The following PBX1 variants were observed in gnomAD, a reference collection of about 807,000 sequenced individuals.
PBX1 encodes the protein pre-B-cell leukemia transcription factor 1.
Under a neutral mutation model 53.4 loss-of-function variants are expected in PBX1, and 6 were observed. That is an observed-to-expected ratio of 0.11 (90% confidence interval 0.06 to 0.22). The LOEUF (loss-of-function observed/expected upper bound fraction) is 0.22. Among genes scored for constraint, PBX1 ranks in the 10% least tolerant of loss-of-function variants. The pLI is 1.00. For synonymous variants in PBX1, 204 were observed against 212.3 expected (o/e 0.96, Z 0.34); for missense variants, 251 against 551.4 (o/e 0.46, Z 5.46).
At position 164,842,477 on chromosome 1, in the gene PBX1, A is replaced by G. The variant is rs1671350115; in HGVS notation, c.1201-4107A>G. 2.0e-5 allele frequency among the ~76,000 whole-genome samples: 3 copies of G among 152,152 alleles called. No homozygotes were observed. The South Asian group carries it at 6.2e-4, about 32-fold the overall frequency. ...TTCCCGAAACACTTTGTTTCCAAAT[A>G]TCTTTGTGTTTTGGAAATCCAGATT... is the stretch of plus-strand genomic sequence containing the variant. On this transcript the variant is annotated intron_variant, in intron 8 of 8. Transcript: ENST00000420696.
intron 2 of PBX1, among the ~76,000 whole-genome samples, chr1:164,865,045 T>C (rs1206809995): frequency 1.3e-5 from 2 of 152,220 alleles, no homozygotes; most frequent in African/African-American, 2.4e-5. Context: ...ACAGTCACCA[T>C]GGTTATAATA....
chr1:164,638,146 A>G (rs976679781), intron 2 of PBX1, among the ~76,000 whole-genome samples: 2 of 152,212 alleles, frequency 1.3e-5, no homozygotes, highest in African/African-American at 4.8e-5. Context: ...GTGATGGGAA[A>G]GGCTGGTTGC....
At chr1:164,870,268 T>C (rs1287220948) in intron 2 of PBX1, among the ~76,000 whole-genome samples, 1 of 22,324 alleles carries the variant, frequency 4.5e-5, no homozygotes, top group East Asian at 1.3e-3. Context: ...CTTCCTTCCT[T>C]CTTTCTTTCT....
chr1:164,852,676 C>T (rs1671884367), downstream of PBX1, among the ~76,000 whole-genome samples: 1 of 152,212 alleles, frequency 6.6e-6, no homozygotes, highest in Non-Finnish European at 1.5e-5. Flanking sequence ...AGGTAATAAT[C>T]ACTTATCCCA....
intron 4 of PBX1, among the ~76,000 whole-genome samples, chr1:164,805,369 G>A (rs201533890): frequency 6.6e-6 from 1 of 152,086 alleles, no homozygotes; most frequent in East Asian, 1.9e-4. Context: ...GATTTCAAAG[G>A]CCCTAGATTA....
intron 2 of PBX1, among the ~76,000 whole-genome samples, chr1:164,608,212 T>C (rs1443115947): frequency 2.6e-5 from 4 of 152,346 alleles, no homozygotes; most frequent in African/African-American, 9.6e-5. Context: ...ACTTACTGAG[T>C]GCCCAGCATG....
intron 5 of PBX1, among the ~76,000 whole-genome samples, chr1:164,811,520 G>A (rs1669610402): frequency 6.6e-6 from 1 of 152,162 alleles, no homozygotes; most frequent in Non-Finnish European, 1.5e-5. Flanking sequence ...TTAAAGTTAT[G>A]TAACTTCTAA....
chr1:164,783,861 G>T (rs1417879570), intron 2 of PBX1, among the ~76,000 whole-genome samples: 4 of 152,286 alleles, frequency 2.6e-5, no homozygotes, highest in Middle Eastern at 3.4e-3. Flanking sequence ...CAGGCAATGT[G>T]CTAGGTGCCT....
intron 2 of PBX1, among the ~76,000 whole-genome samples, chr1:164,733,915 T>C (rs1257806700): frequency 6.6e-6 from 1 of 152,240 alleles, no homozygotes; most frequent in African/African-American, 2.4e-5. Context: ...CCTTTTGTGT[T>C]TGCTGAATCG....
chr1:164,847,812 G>T lies in PBX1; in HGVS notation c.*1136G>T. On this transcript the variant is annotated 3_prime_UTR_variant, in exon 9 of 9. Coordinates refer to ENST00000420696, the MANE Select transcript of PBX1 (RefSeq NM_002585.4). Reference sequence around the variant, plus strand: ...TGTCTGGGGCTTCCAGGACCTGCAGGCCCACTAGCGTGCACTTACCAGAAT... The same window carrying T: ...TGTCTGGGGCTTCCAGGACCTGCAGTCCCACTAGCGTGCACTTACCAGAAT... The T allele has an allele frequency of 9.5e-7, 1 of 1,054,426 alleles. No homozygotes were observed. The highest frequency in any genetic ancestry group is 1.1e-6 in the Non-Finnish European group (1 of 872,550). The allele number at this position is 1,054,426 out of a possible 1,614,324, so 65.3% of individuals were successfully genotyped here.
At chr1:164,834,722 T>C (rs968025823) in intron 8 of PBX1, among the ~76,000 whole-genome samples, 1 of 152,256 alleles carries the variant, frequency 6.6e-6, no homozygotes, top group Non-Finnish European at 1.5e-5. Context: ...AAAAGAGTTA[T>C]GAAATCCCTT....
intron 6 of PBX1, chr1:164,814,523 C>G (rs914471338): frequency 6.6e-6 from 1 of 152,088 alleles, no homozygotes; most frequent in Non-Finnish European, 1.5e-5. Flanking sequence ...GGGCGGATCA[C>G]GAGGTCAGGA....
At chr1:164,687,560 C>CT (rs1292223275) in intron 2 of PBX1, among the ~76,000 whole-genome samples, 16 of 26,868 alleles carry the variant, frequency 6.0e-4, no homozygotes, top group East Asian at 1.5e-3. Context: ...GAGACCTTGT[C>CT]TAAAAAAAAA....
intron 2 of PBX1, among the ~76,000 whole-genome samples, chr1:164,635,806 T>G (rs997269812): frequency 6.6e-6 from 1 of 152,208 alleles, no homozygotes; most frequent in African/African-American, 2.4e-5. Flanking sequence ...TTGGGAGGAT[T>G]TCTGCATTAA....
intron 2 of PBX1, among the ~76,000 whole-genome samples, chr1:164,764,423 C>T (rs1251732463): frequency 6.6e-6 from 1 of 152,102 alleles, no homozygotes; most frequent in Non-Finnish European, 1.5e-5. Flanking sequence ...TTCCTTAGGT[C>T]ACAAATCCAT....
chr1:164,779,795 C>T lies in PBX1; in HGVS notation c.266-12699C>T, dbSNP rs150780952. Among the ~76,000 whole-genome samples the T allele has an allele frequency of 5.3e-4, 81 of 152,220 alleles. 1 individual carries two copies. In the South Asian group the frequency reaches 0.017, roughly 31 times the overall value. ...TGAAGTGCCATCAACAAGGTGCCTACGAAGGGCCATGCTAATGTCTGGCCA... is the reference window on the plus strand; with the variant it reads ...TGAAGTGCCATCAACAAGGTGCCTATGAAGGGCCATGCTAATGTCTGGCCA... On this transcript the variant is annotated intron_variant, in intron 2 of 8. Coordinates refer to ENST00000420696, the MANE Select transcript of PBX1 (RefSeq NM_002585.4).
chr1:164,777,616 G>A (rs547618176), intron 2 of PBX1, among the ~76,000 whole-genome samples: 12 of 152,292 alleles, frequency 7.9e-5, no homozygotes, highest in South Asian at 4.1e-4. Flanking sequence ...AAAGGAGGGC[G>A]GAATTAAGAA....
At chr1:164,874,701 C>T (rs12038321) in intron 2 of PBX1, among the ~76,000 whole-genome samples, 2 of 152,112 alleles carry the variant, frequency 1.3e-5, no homozygotes, top group Admixed American at 6.6e-5. Flanking sequence ...TCCATGTTGG[C>T]CTGGCTGGTC....
At chr1:164,608,768 T>A (rs112797674) in intron 2 of PBX1, among the ~76,000 whole-genome samples, 1,543 of 152,202 alleles carry the variant, frequency 0.01, 14 homozygotes, top group Non-Finnish European at 0.015. Context: ...GGACACCTTG[T>A]GATTCAGAGG....
Sources: gnomAD v4.1 joint callset for allele counts (sites outside exome capture counted in the v4.1 genomes callset) on GRCh38, gnomAD v4.1.1 for gene constraint, MANE v1.5 for transcripts, NCBI Gene and HGNC (gene_info 2026-07-23, HGNC 2026-07-21) for gene names.